Variants in ZNF821 observed in about 807,000 individuals in gnomAD.
ZNF821 encodes the protein zinc finger protein 821.
ZNF821 carries 16 observed loss-of-function variants against 44.3 expected under a neutral mutation model. The ratio of observed to expected loss-of-function variants is 0.36; its 90% CI spans 0.24 to 0.55. The LOEUF is 0.55. Ranked by LOEUF, ZNF821 falls within the 20% of genes least tolerant of loss-of-function variation. The pLI is 0.86. For synonymous variants in ZNF821, 204 were observed against 197.6 expected (o/e 1.03, Z -0.27); for missense variants, 436 against 547.6 (o/e 0.80, Z 2.03).
chr16:71,882,147 G>C (rs1341291382), intron 2 of ZNF821: 3 of 151,710 alleles, frequency 2.0e-5, no homozygotes, highest in Non-Finnish European at 1.5e-5. Context: ...ATGCATGTCT[G>C]TAATCTCAGC....
At chr16:71,894,343 T>G (rs1352949138) in intron 1 of ZNF821, 1 of 151,728 alleles carries the variant, frequency 6.6e-6, no homozygotes, top group East Asian at 1.9e-4. Flanking sequence ...TCACTGTAAC[T>G]CGAGAATCAA....
At chr16:71,894,883 G>C (rs949346238) in intron 1 of ZNF821, 4 of 1,462,446 alleles carry the variant, frequency 2.7e-6, no homozygotes, top group Admixed American at 2.0e-5. Context: ...AGTTTTCTCT[G>C]AATACCGAGA....
At chr16:71,864,784 TC>T (rs954530555) in intron 5 of ZNF821, 118 bp downstream of exon 5, 1 of 1,300,662 alleles carries the variant, frequency 7.7e-7, no homozygotes, top group African/African-American at 1.5e-5. Flanking sequence ...GGAAGAGGCC[TC>T]CCATGCAGGC....
chr16:71,880,250 C>G (rs1436934579), intron 2 of ZNF821, among the ~76,000 whole-genome samples: 4 of 152,174 alleles, frequency 2.6e-5, no homozygotes, highest in Non-Finnish European at 5.9e-5. Flanking sequence ...GAATTATACT[C>G]TAAATCCATC....
chr16:71,860,192 C>T lies in ZNF821; in HGVS notation c.1065G>A (p.Arg355=). ...GCAACATCATGTCCATTTTCTCCAG[C>T]CTCCTCTTGAGCCGCTTGGCCTCTC... The part of the protein sequence containing the change: ...REREAKRLKR[R]LEKMDMMLRA... Residue 355 remains arginine, a synonymous_variant, in exon 8 of 8, where the codon AGG becomes AGA. Coordinates refer to ENST00000425432, the MANE Select transcript of ZNF821 (RefSeq NM_001201552.2). The surrounding 1 kb of genome is among the most constrained non-coding windows in gnomAD (Gnocchi z 7.3). The T allele has an allele frequency of 6.2e-7, 1 of 1,614,244 alleles. No homozygotes were observed. The highest frequency in any genetic ancestry group is 8.5e-7 in the Non-Finnish European group (1 of 1,180,032).
At chr16:71,862,785 A>C (rs574215133) in intron 6 of ZNF821, among the ~76,000 whole-genome samples, 1 of 152,304 alleles carries the variant, frequency 6.6e-6, no homozygotes, top group African/African-American at 2.4e-5. Flanking sequence ...CCTTGTCAAC[A>C]CCGACCAGGA....
chr16:71,889,409 C>T (rs568572802), upstream of ZNF821, among the ~76,000 whole-genome samples: 1 of 151,928 alleles, frequency 6.6e-6, no homozygotes, highest in East Asian at 2.0e-4. Context: ...GTGGCTCACA[C>T]CTGTTGTAAT....
At chr16:71,894,854 CA>C (rs1225071142) in intron 1 of ZNF821, 1 of 1,532,338 alleles carries the variant, frequency 6.5e-7, no homozygotes, top group Non-Finnish European at 8.7e-7. Context: ...AAGTTAAAAA[CA>C]AAGGTAACCA....
chr16:71,866,001 G>A (rs973618574), intron 4 of ZNF821, among the ~76,000 whole-genome samples: 2 of 152,118 alleles, frequency 1.3e-5, no homozygotes, highest in African/African-American at 2.4e-5. Context: ...AATAACGAAC[G>A]TAGTTCTTTC....
intron 1 of ZNF821, chr16:71,894,560 C>A: frequency 3.0e-5 from 8 of 264,528 alleles, no homozygotes; most frequent in Non-Finnish European, 4.4e-5. Context: ...TTCTTTTTTT[C>A]TGTAGCCTAG....
At chr16:71,883,532 C>G (rs1210675982) in intron 1 of ZNF821, 2 of 223,136 alleles carry the variant, frequency 9.0e-6, no homozygotes, top group East Asian at 1.3e-4. Flanking sequence ...GAGACCCAGA[C>G]GCGGGGACTG....
intron 3 of ZNF821, among the ~76,000 whole-genome samples, chr16:71,876,591 T>C (rs1386632298): frequency 1.3e-5 from 2 of 152,032 alleles, no homozygotes; most frequent in African/African-American, 2.4e-5. Flanking sequence ...CATTTTTTTC[T>C]TTCTCTTTTT....
chr16:71,880,052 A>G, intron 2 of ZNF821, 29 bp from the exon 3 acceptor site: 5 of 1,090,162 alleles, frequency 4.6e-6, no homozygotes, highest in Non-Finnish European at 3.9e-6. Flanking sequence ...TTGTTAGCAC[A>G]TGTCATTTTC....
intron 3 of ZNF821, among the ~76,000 whole-genome samples, chr16:71,874,644 G>T (rs1047004898): frequency 6.6e-6 from 1 of 151,874 alleles, no homozygotes; most frequent in Non-Finnish European, 1.5e-5. Flanking sequence ...AGTGGAGACA[G>T]GGTTTTGCCA....
At position 71,859,814 on chromosome 16, in the gene ZNF821, G is replaced by T; in HGVS notation, c.*204C>A. ...TCTGGACTGCCTGCTCCCTTGTCCA[G>T]AGCTGCCTTGAGCCAGGTCCCTCCT... On this transcript the variant is annotated 3_prime_UTR_variant, in exon 8 of 8. Transcript: ENST00000425432. The T allele has an allele frequency of 1.6e-6, 1 of 611,772 alleles. No individual in the cohort carries two copies. The highest frequency in any genetic ancestry group is 2.8e-6 in the Non-Finnish European group (1 of 356,074). The allele number at this position is 611,772 out of a possible 1,614,324, so 37.9% of individuals were successfully genotyped here.
chr16:71,868,852 C>T (rs1029326840), intron 3 of ZNF821, among the ~76,000 whole-genome samples: 4 of 151,816 alleles, frequency 2.6e-5, no homozygotes, highest in Non-Finnish European at 2.9e-5. Context: ...TTAGTAGAGA[C>T]GGGGTTTCAC....
chr16:71,893,107 G>C (rs1221576087), intron 1 of ZNF821, among the ~76,000 whole-genome samples: 3 of 133,440 alleles, frequency 2.2e-5, no homozygotes, highest in African/African-American at 8.5e-5. Context: ...TCGGCTCACT[G>C]CAATCTCTAT....
chr16:71,891,302 C>T (rs565221955), intron 1 of ZNF821: 4 of 152,338 alleles, frequency 2.6e-5, no homozygotes, highest in Middle Eastern at 3.4e-3. Context: ...TTTGTCCCAA[C>T]AGCAAAACTG....
chr16:71,872,394 A>G (rs1196724268), intron 3 of ZNF821, among the ~76,000 whole-genome samples: 1 of 151,866 alleles, frequency 6.6e-6, no homozygotes, highest in Non-Finnish European at 1.5e-5. Context: ...TGGGTAGATC[A>G]TGAGGTCAGG....
Sources: gnomAD v4.1 joint callset for allele counts (sites outside exome capture counted in the v4.1 genomes callset) on GRCh38, gnomAD v4.1.1 for gene constraint, Gnocchi (gnomAD v3.1) non-coding constraint, MANE v1.5 for transcripts, NCBI Gene and HGNC (gene_info 2026-07-23, HGNC 2026-07-21) for gene names.